Variants in CIT observed in about 807,000 individuals in gnomAD.
CIT encodes the protein citron Rho-interacting kinase.
A neutral mutation model predicts 272.7 loss-of-function variants in CIT; 79 were observed. That is an observed-to-expected ratio of 0.29 (90% CI 0.24 to 0.35). The LOEUF is 0.35. Ranked by LOEUF, CIT falls within the 10% of genes least tolerant of loss-of-function variation. CIT has a pLI of 1.00. For synonymous variants in CIT, 948 were observed against 995.6 expected (o/e 0.95, Z 0.90); for missense variants, 1,909 against 2,618.3 (o/e 0.73, Z 5.91).
Position 119,726,039 on chromosome 12 carries a change from G to A in CIT, c.3591+2463C>T, listed in dbSNP as rs1369998965. On this transcript the variant is annotated intron_variant, in intron 28 of 47. Coordinates refer to ENST00000392521, the MANE Select transcript of CIT (RefSeq NM_001206999.2). ...GTGTGTGTGTGTGTGTGTGTGTTTAGTATTAATTTTATTTTTTAAATTGTT... is the reference window on the plus strand; with the variant it reads ...GTGTGTGTGTGTGTGTGTGTGTTTAATATTAATTTTATTTTTTAAATTGTT... Among the ~76,000 whole-genome samples the A allele has an allele frequency of 7.1e-5, 9 of 127,272 alleles. No homozygotes were observed. The East Asian group carries it at 1.6e-3, about 23-fold the overall frequency. The allele number at this position is 127,272 out of a possible 152,430, so 83.5% of individuals were successfully genotyped here.
In CIT at chr12:119,768,182, G is replaced by T. The variant is rs1962687794; in HGVS notation, c.2209-1000C>A. ...CCGCCTCAGCCTCCCAAAGTGCTGG[G>T]ATTACAGGCACGAGCCACCATGCCT... On this transcript the variant is annotated intron_variant, in intron 18 of 47. Coordinates refer to ENST00000392521, the MANE Select transcript of CIT (RefSeq NM_001206999.2). The surrounding 1 kb of genome is among the most constrained non-coding windows in gnomAD (Gnocchi z 4.3). 6.6e-6 allele frequency among the ~76,000 whole-genome samples: 1 copy of T among 152,156 alleles called. No individual in the cohort carries two copies. The highest frequency in any genetic ancestry group is 1.5e-5 in the Non-Finnish European group (1 of 68,026).
At chr12:119,866,230 C>A (rs569633586) in intron 3 of CIT, among the ~76,000 whole-genome samples, 1 of 152,268 alleles carries the variant, frequency 6.6e-6, no homozygotes, top group South Asian at 2.1e-4. Flanking sequence ...ACCCAATGCC[C>A]CAGTCCTCTT....
At chr12:119,841,177 C>CTTT (rs746369072) in intron 5 of CIT, among the ~76,000 whole-genome samples, 1 of 142,550 alleles carries the variant, frequency 7.0e-6, no homozygotes, top group Non-Finnish European at 1.5e-5. Context: ...TTTATTTAAC[C>CTTT]TTTTTTTTTT....
chr12:119,790,270 C>G (rs1249518365), intron 10 of CIT, among the ~76,000 whole-genome samples: 1 of 151,998 alleles, frequency 6.6e-6, no homozygotes, highest in African/African-American at 2.4e-5. Flanking sequence ...AGCAAGTCGG[C>G]TGGTCTCAAA....
At chr12:119,808,889 A>G (rs2137926925) in intron 9 of CIT, among the ~76,000 whole-genome samples, 1 of 152,366 alleles carries the variant, frequency 6.6e-6, no homozygotes, top group Non-Finnish European at 1.5e-5. Flanking sequence ...TATCAATGTT[A>G]TGAAGACAGA....
chr12:119,817,731 A>G (rs1032930393), intron 9 of CIT, among the ~76,000 whole-genome samples: 3 of 152,154 alleles, frequency 2.0e-5, no homozygotes, highest in Non-Finnish European at 4.4e-5. Context: ...CATTGCACTT[A>G]ACATACTGTA....
At chr12:119,828,968 G>C (rs556539468) in intron 7 of CIT, among the ~76,000 whole-genome samples, 171 of 138,674 alleles carry the variant, frequency 1.2e-3, no homozygotes, top group African/African-American at 3.8e-3. Context: ...CATATTTTGG[G>C]AGAAAGGGGG....
chr12:119,796,435 T>A (rs1226254239), intron 10 of CIT, among the ~76,000 whole-genome samples: 1 of 152,042 alleles, frequency 6.6e-6, no homozygotes, highest in East Asian at 1.9e-4. Context: ...TGGCAACTGA[T>A]GGGATGGCGG....
At chr12:119,689,666 C>CTTTTTTTTTTTT (rs531946559) in intron 47 of CIT, among the ~76,000 whole-genome samples, 2 of 75,078 alleles carry the variant, frequency 2.7e-5, no homozygotes, top group Non-Finnish European at 5.0e-5. Flanking sequence ...TTAGGAAGCT[C>CTTTTTTTTTTTT]TTTTTTTTTT....
intron 43 of CIT, 33 bp downstream of exon 43, chr12:119,701,591 C>A (rs1474351465): frequency 1.9e-6 from 3 of 1,607,904 alleles, no homozygotes; most frequent in Non-Finnish European, 2.5e-6. Context: ...TCCATGAGGA[C>A]CCAAAAGGGC....
chr12:119,819,462 C>A (rs1032378880), intron 9 of CIT, among the ~76,000 whole-genome samples: 10 of 152,138 alleles, frequency 6.6e-5, no homozygotes, highest in African/African-American at 2.4e-4. Flanking sequence ...TTGCCAAGAC[C>A]TTTCTTAAAT....
rs56079847 is a variant in CIT, at chr12:119,708,547, A to G, written c.5072-229T>C. ...GTTGCCCACACTGGAGTGCAATGGT[A>G]CAATCTCGGCTCACTAAAACCTCTG... On this transcript the variant is annotated intron_variant, in intron 39 of 47. Coordinates refer to ENST00000392521, the MANE Select transcript of CIT (RefSeq NM_001206999.2). Among the ~76,000 whole-genome samples the G allele has an allele frequency of 0.11, 16,445 of 152,022 alleles. 2,472 individuals are homozygous for G. The highest frequency in any genetic ancestry group is 0.34 in the African/African-American group (14,198 of 41,416).
intron 5 of CIT, among the ~76,000 whole-genome samples, chr12:119,842,293 G>A (rs1051863282): frequency 6.7e-6 from 1 of 149,548 alleles, no homozygotes; most frequent in Admixed American, 6.8e-5. Context: ...GGAGGCTGAG[G>A]CAGGAGAATC....
At chr12:119,850,037 C>A in intron 5 of CIT, 137 bp downstream of exon 5, 1 of 717,810 alleles carries the variant, frequency 1.4e-6, no homozygotes, top group African/African-American at 1.8e-5. Context: ...AACGAGGAAA[C>A]CAGGGAGACA....
Position 119,712,764 on chromosome 12 carries a change from A to T in CIT, c.4580-69T>A. ...GAACAAGAACAAGGGGAGAAGAGAGAGCGAGAGAGACAGCAAGGGAGAGAG... is the reference window on the plus strand; with the variant it reads ...GAACAAGAACAAGGGGAGAAGAGAGTGCGAGAGAGACAGCAAGGGAGAGAG... On this transcript the variant is annotated intron_variant, in intron 35 of 47. Transcript: ENST00000392521. The surrounding 1 kb of genome is among the most constrained non-coding windows in gnomAD (Gnocchi z 5.2). The T allele has an allele frequency of 7.7e-7, 1 of 1,304,968 alleles. No individual in the cohort carries two copies. The allele number at this position is 1,304,968 out of a possible 1,614,324, so 80.8% of individuals were successfully genotyped here. A position where few individuals can be genotyped will look rare whatever the true frequency, so the allele number is the denominator to read the frequency against.
chr12:119,875,948 A>G, intron 2 of CIT, 125 bp downstream of exon 2: 1 of 617,676 alleles, frequency 1.6e-6, no homozygotes, highest in South Asian at 2.0e-5. Flanking sequence ...AGATTGCACC[A>G]CTGTACTCCA....
At chr12:119,708,923 C>T (rs188895967) in intron 39 of CIT, among the ~76,000 whole-genome samples, 2 of 152,148 alleles carry the variant, frequency 1.3e-5, no homozygotes, top group African/African-American at 4.8e-5. Flanking sequence ...AAGTAAAGAA[C>T]GAATGTGTGA....
At chr12:119,825,540 TAAA>T (rs11286691) in intron 7 of CIT, among the ~76,000 whole-genome samples, 172 bp from the exon 8 acceptor site, 12 of 144,330 alleles carry the variant, frequency 8.3e-5, no homozygotes, top group Non-Finnish European at 7.6e-5. Flanking sequence ...TTTACTAATT[TAAA>T]AAAAAAAAAA....
chr12:119,716,449 C>T (rs10849691), intron 32 of CIT, among the ~76,000 whole-genome samples: 79,997 of 137,268 alleles, frequency 0.58, 22,062 homozygotes, highest in Admixed American at 0.66. Flanking sequence ...TATATAAACA[C>T]AGGAGGAAGA....
Sources: allele counts gnomAD v4.1 joint callset (sites outside exome capture counted in the v4.1 genomes callset), GRCh38; gene constraint gnomAD v4.1.1; non-coding constraint Gnocchi (gnomAD v3.1); transcripts MANE v1.5; gene names NCBI Gene and HGNC (gene_info 2026-07-23, HGNC 2026-07-21).